Variants in FSHR observed in about 807,000 individuals in gnomAD.
FSHR encodes the protein follicle stimulating hormone receptor, also known as follicle-stimulating hormone receptor.
Under a neutral mutation model 52.1 loss-of-function variants are expected in FSHR, and 46 were observed. The observed-to-expected ratio is 0.88, with a 90% CI of 0.70 to 1.13. FSHR has a LOEUF of 1.13. Among genes scored for constraint, FSHR ranks in the 50% most tolerant of loss-of-function variants. The probability of loss-of-function intolerance (pLI) is 0.00; values close to 1 mark genes in which losing one functional copy is unlikely to be tolerated. For synonymous variants in FSHR, 399 were observed against 309.6 expected (o/e 1.29, Z -3.03); for missense variants, 964 against 834.6 (o/e 1.16, Z -1.91).
chr2:48,994,339 A>G (rs1312705152), intron 4 of FSHR, among the ~76,000 whole-genome samples: 1 of 152,202 alleles, frequency 6.6e-6, no homozygotes, highest in Non-Finnish European at 1.5e-5. Flanking sequence ...CATCAATTGC[A>G]TGAGCTTCCA....
intron 1 of FSHR, among the ~76,000 whole-genome samples, chr2:49,104,668 C>G (rs535392943): frequency 6.6e-6 from 1 of 152,022 alleles, no homozygotes; most frequent in African/African-American, 2.4e-5. Context: ...TGGAAGATGA[C>G]AAGAATGTAA....
chr2:49,085,507 G>C (rs1471461275), intron 1 of FSHR, among the ~76,000 whole-genome samples: 2 of 152,186 alleles, frequency 1.3e-5, no homozygotes, highest in African/African-American at 4.8e-5. Context: ...CAATTAGGCA[G>C]AGCTTTACTT....
chr2:48,990,291 T>C (rs1451554331), intron 5 of FSHR, among the ~76,000 whole-genome samples: 5 of 152,128 alleles, frequency 3.3e-5, no homozygotes, highest in African/African-American at 1.2e-4. Flanking sequence ...ATTAAAGCGC[T>C]AAATAGTGAA....
chr2:49,045,084 A>G (rs1668606292), intron 2 of FSHR, among the ~76,000 whole-genome samples: 1 of 152,242 alleles, frequency 6.6e-6, no homozygotes, highest in Non-Finnish European at 1.5e-5. Flanking sequence ...AGGGAATATG[A>G]AAAGTGTTTT....
intron 1 of FSHR, among the ~76,000 whole-genome samples, chr2:49,113,426 T>C (rs1283800717): frequency 6.6e-6 from 1 of 152,192 alleles, no homozygotes; most frequent in East Asian, 1.9e-4. Flanking sequence ...TGATTATTTA[T>C]GAAAATTGTT....
intron 2 of FSHR, 73 bp downstream of exon 2, chr2:49,068,146 T>C (rs1195831198): frequency 1.8e-6 from 2 of 1,121,072 alleles, no homozygotes; most frequent in African/African-American, 1.6e-5. Flanking sequence ...CAGATAGTCA[T>C]ACTAGATGTG....
chr2:49,147,436 C>T (rs1414137362), intron 1 of FSHR, among the ~76,000 whole-genome samples: 3 of 152,030 alleles, frequency 2.0e-5, no homozygotes, highest in Non-Finnish European at 4.4e-5. Context: ...TTCCCATTTG[C>T]TGCCACAATG....
rs545997825 is a variant in FSHR at position 49,054,689 on chromosome 2, T to C, written c.224+13530A>G. On this transcript the variant is annotated intron_variant, in intron 2 of 9. Transcript: ENST00000406846. ...TGTACCTGTGACCTGACAGACAGTC[T>C]AGCAAGCCCACCCCTAGTAAAGCCA... is the stretch of plus-strand genomic sequence containing the variant. Among the ~76,000 whole-genome samples the C allele has an allele frequency of 7.2e-5, 11 of 152,282 alleles. No individual in the cohort carries two copies. In the South Asian group the frequency reaches 1.5e-3, roughly 20 times the overall value.
intron 2 of FSHR, among the ~76,000 whole-genome samples, chr2:49,041,196 G>A (rs1668468552): frequency 6.6e-6 from 1 of 152,100 alleles, no homozygotes; most frequent in Admixed American, 6.5e-5. Flanking sequence ...GCTTAGCTCT[G>A]ATTTTTTTCA....
At position 49,127,800 on chromosome 2, in the gene FSHR, T is replaced by A. The variant is rs554035294; in HGVS notation, c.152+26466A>T. Among the ~76,000 whole-genome samples, 20 of 57,834 alleles carry A rather than the reference T, an allele frequency of 3.5e-4. 1 individual carries two copies. The highest frequency in any genetic ancestry group is 1.5e-3 in the African/African-American group (20 of 13,742). 37.9% of individuals were successfully genotyped at this position (57,834 alleles called of 152,430 possible). ...CTTCTTCTTCTTCTTCTTCTTCTTC[T>A]TCTTCTTCTTCTTCTTCTTCTTCTT... is the stretch of plus-strand genomic sequence containing the variant. On this transcript the variant is annotated intron_variant, in intron 1 of 9. Transcript: ENST00000406846.
intron 3 of FSHR, 55 bp downstream of exon 3, chr2:49,020,030 CT>C (rs1222701720): frequency 6.9e-7 from 1 of 1,445,740 alleles, no homozygotes; most frequent in East Asian, 2.3e-5. Context: ...TGTAGAAGAA[CT>C]TTAAGGGTTT....
At chr2:49,027,953 T>G (rs912534485) in intron 2 of FSHR, among the ~76,000 whole-genome samples, 1 of 152,112 alleles carries the variant, frequency 6.6e-6, no homozygotes, top group African/African-American at 2.4e-5. Context: ...ATTTCTTTCT[T>G]AAGCAGGAAT....
chr2:49,026,021 G>C (rs1572650383), intron 2 of FSHR, among the ~76,000 whole-genome samples: 1 of 152,226 alleles, frequency 6.6e-6, no homozygotes, highest in African/African-American at 2.4e-5. Flanking sequence ...TACCTCCTCA[G>C]ATGACAGCCA....
At chr2:48,995,848 T>G (rs1179526452) in intron 4 of FSHR, among the ~76,000 whole-genome samples, 1 of 144,412 alleles carries the variant, frequency 6.9e-6, no homozygotes, top group Admixed American at 6.7e-5. Flanking sequence ...AAGGAAAACA[T>G]TTTTTTTTAC....
At chr2:49,031,681 T>C (rs1668108095) in intron 2 of FSHR, among the ~76,000 whole-genome samples, 1 of 152,108 alleles carries the variant, frequency 6.6e-6, no homozygotes, top group Admixed American at 6.5e-5. Context: ...GTATCTAGGT[T>C]ATCAGCCAGG....
intron 1 of FSHR, among the ~76,000 whole-genome samples, chr2:49,139,409 T>G (rs1672596206): frequency 6.6e-6 from 1 of 152,150 alleles, no homozygotes; most frequent in Non-Finnish European, 1.5e-5. Context: ...AGAGCCTTTA[T>G]TATGTATATG....
intron 4 of FSHR, among the ~76,000 whole-genome samples, chr2:49,008,043 A>G (rs939201611): frequency 1.5e-4 from 22 of 151,320 alleles, no homozygotes; most frequent in Admixed American, 1.5e-3. Context: ...TATTTTTATT[A>G]TACTTTAAGT....
chr2:49,031,466 C>T (rs1158886524), intron 2 of FSHR, among the ~76,000 whole-genome samples: 2 of 152,128 alleles, frequency 1.3e-5, no homozygotes, highest in South Asian at 2.1e-4. Context: ...ACACATGCCC[C>T]CTTTCCCTTT....
chr2:49,015,548 A>G (rs142475696), intron 4 of FSHR, among the ~76,000 whole-genome samples: 30 of 152,308 alleles, frequency 2.0e-4, no homozygotes, highest in African/African-American at 6.7e-4. Flanking sequence ...AGATTTCTCA[A>G]CTATTGAATG....
Sources: gnomAD v4.1 joint callset for allele counts (sites outside exome capture counted in the v4.1 genomes callset) on GRCh38, gnomAD v4.1.1 for gene constraint, MANE v1.5 for transcripts, NCBI Gene and HGNC (gene_info 2026-07-23, HGNC 2026-07-21) for gene names.